Variants in PRDM12 observed in about 807,000 individuals in gnomAD.
PRDM12 encodes the protein PR/SET domain 12.
PRDM12 carries 17 observed loss-of-function variants against 29.6 expected under a neutral mutation model. The ratio of observed to expected loss-of-function variants is 0.57; its 90% CI spans 0.39 to 0.86. The LOEUF is 0.86. PRDM12 is among the 40% of genes least tolerant of loss of function. The pLI is 0.00. For synonymous variants in PRDM12, 231 were observed against 225.8 expected (o/e 1.02, Z -0.21); for missense variants, 422 against 510.8 (o/e 0.83, Z 1.68).
At chr9:130,669,613 A>C (rs1242062568) in intron 3 of PRDM12, among the ~76,000 whole-genome samples, 2 of 151,378 alleles carry the variant, frequency 1.3e-5, no homozygotes, top group Non-Finnish European at 2.9e-5. Context: ...CAGGAGATCG[A>C]GACCATCCTG....
Position 130,678,599 on chromosome 9 carries a change from G to C in PRDM12, c.641G>C (p.Gly214Ala). Reference sequence around the variant, plus strand: ...CACAACACCTTCCTGGGGATCCCAGGTGTGCCCGGGCTAGAGGAGGACCAG... The same window carrying C: ...CACAACACCTTCCTGGGGATCCCAGCTGTGCCCGGGCTAGAGGAGGACCAG... ...NSHNTFLGIP[G>A]VPGLEEDQKK... Residue 214 changes from glycine to alanine, a missense_variant, in exon 4 of 5, where the codon GGT becomes GCT. Gly to Ala is a moderately conservative substitution (Grantham distance 60). Transcript: ENST00000253008. 1 of 1,613,580 alleles carries C rather than the reference G, an allele frequency of 6.2e-7. No homozygotes were observed. The highest frequency in any genetic ancestry group is 2.2e-5 in the East Asian group (1 of 44,806).
chr9:130,678,939 C>T (rs1428569930), intron 4 of PRDM12, among the ~76,000 whole-genome samples: 2 of 152,164 alleles, frequency 1.3e-5, no homozygotes, highest in African/African-American at 4.8e-5. Flanking sequence ...AAGAAAGGAG[C>T]TGGGCAGCAG....
intron 3 of PRDM12, among the ~76,000 whole-genome samples, chr9:130,675,113 C>T (rs1830829199): frequency 6.6e-6 from 1 of 152,162 alleles, no homozygotes; most frequent in East Asian, 1.9e-4. Flanking sequence ...CTCCTGACCT[C>T]AAGTGATCTG....
intron 4 of PRDM12, among the ~76,000 whole-genome samples, chr9:130,679,721 C>T (rs1830876735): frequency 1.3e-5 from 2 of 152,072 alleles, no homozygotes; most frequent in East Asian, 3.9e-4. Context: ...AGTGCAGTGG[C>T]ACTATCTTGG....
intron 3 of PRDM12, among the ~76,000 whole-genome samples, chr9:130,674,923 G>A (rs1179445505): frequency 3.9e-5 from 6 of 152,016 alleles, no homozygotes; most frequent in Non-Finnish European, 8.8e-5. Flanking sequence ...TTTGTTGGTC[G>A]GACAGTAGGG....
chr9:130,678,208 G>T (rs1056502503), intron 3 of PRDM12, among the ~76,000 whole-genome samples: 3 of 151,964 alleles, frequency 2.0e-5, no homozygotes, highest in Admixed American at 6.6e-5. Flanking sequence ...GAATGGAAAA[G>T]GTTTCTAGTT....
At chr9:130,675,971 A>G (rs528419651) in intron 3 of PRDM12, among the ~76,000 whole-genome samples, 4 of 151,498 alleles carry the variant, frequency 2.6e-5, no homozygotes, top group South Asian at 4.2e-4. Flanking sequence ...TCCCTCCCTG[A>G]CCCCCTCATT....
At chr9:130,676,751 A>AT (rs1349010086) in intron 3 of PRDM12, among the ~76,000 whole-genome samples, 10 of 151,994 alleles carry the variant, frequency 6.6e-5, no homozygotes, top group Non-Finnish European at 1.2e-4. Context: ...GCTTCTCGTC[A>AT]TTTACTAACC....
rs1233793886 is a variant in PRDM12 at position 130,681,540 on chromosome 9, G to C, written c.975G>C (p.Pro325=). 12 of 1,285,868 alleles carry C rather than the reference G, an allele frequency of 9.3e-6. No individual in the cohort carries two copies. The South Asian group carries it at 2.1e-4, about 22-fold the overall frequency. The allele number at this position is 1,285,868 out of a possible 1,614,324, so 79.7% of individuals were successfully genotyped here. A position where few individuals can be genotyped will look rare whatever the true frequency, so the allele number is the denominator to read the frequency against. ...ACCAGAAGAGCGCGCGGCACCGGCC[G>C]CCCAGCACCGCGCTGCAGGCACACT... ...RAHQKSARHR[P]PSTALQAHSP... Residue 325 remains proline, a synonymous_variant, in exon 5 of 5, where the codon CCG becomes CCC. Transcript: ENST00000253008. The surrounding 1 kb of genome is among the most constrained non-coding windows in gnomAD (Gnocchi z 8.1).
chr9:130,678,902 C>A (rs1403533809), intron 4 of PRDM12, among the ~76,000 whole-genome samples: 2 of 152,076 alleles, frequency 1.3e-5, no homozygotes, highest in Non-Finnish European at 2.9e-5. Flanking sequence ...TGGGGGAGAC[C>A]AGAGAGGCAA....
At chr9:130,676,936 T>C (rs1457040542) in intron 3 of PRDM12, among the ~76,000 whole-genome samples, 2 of 151,684 alleles carry the variant, frequency 1.3e-5, no homozygotes, top group Non-Finnish European at 2.9e-5. Flanking sequence ...TGAGACAGGG[T>C]CTTGCTCTGT....
In PRDM12 at chr9:130,682,826, G is replaced by C. The variant is rs1013694711; in HGVS notation, c.*1157G>C. 2 of 152,616 alleles carry C rather than the reference G, an allele frequency of 1.3e-5. No individual in the cohort carries two copies. Among genetic ancestry groups the C allele is most frequent in the Non-Finnish European group, 2.9e-5 (2 of 68,046 alleles). The allele number at this position is 152,616 out of a possible 1,614,324, so 9.5% of individuals were successfully genotyped here. On this transcript the variant is annotated 3_prime_UTR_variant, in exon 5 of 5. Transcript: ENST00000253008. This position sits in a 1 kb window ranked among gnomAD's most constrained non-coding sequence, Gnocchi z 4.2. ...ATGTATAGAGTTTTCAAGAAACTGC[G>C]TTCTACTTCCAGAAGATGGTCACTT...
At chr9:130,674,076 G>A (rs867718727) in intron 3 of PRDM12, among the ~76,000 whole-genome samples, 6 of 125,606 alleles carry the variant, frequency 4.8e-5, no homozygotes, top group African/African-American at 6.2e-5. Flanking sequence ...GTGCAATGGC[G>A]CCATCTCAGC....
At position 130,677,223 on chromosome 9, in the gene PRDM12, C is replaced by T. The variant is rs561957300; in HGVS notation, c.571-1306C>T. On this transcript the variant is annotated intron_variant, in intron 3 of 4. Transcript: ENST00000253008. ...TACAGGCATGAGCCACCACGCCCGA[C>T]CTCCACTTTCCCTTCTTTTCAGGGG... Among the ~76,000 whole-genome samples, 8 of 152,340 alleles carry T rather than the reference C, an allele frequency of 5.3e-5. No homozygotes were observed. In the South Asian group the frequency reaches 6.2e-4, roughly 12 times the overall value.
At chr9:130,673,462 A>C (rs897164630) in intron 3 of PRDM12, among the ~76,000 whole-genome samples, 1 of 152,026 alleles carries the variant, frequency 6.6e-6, no homozygotes, top group African/African-American at 2.4e-5. Context: ...GCTGGCTTAC[A>C]GCTGTCTGGA....
chr9:130,681,012 C>T lies in PRDM12; in HGVS notation c.683-236C>T, dbSNP rs1233996360. Among the ~76,000 whole-genome samples, 2 of 151,524 alleles carry T rather than the reference C, an allele frequency of 1.3e-5. No homozygotes were observed. The highest frequency in any genetic ancestry group is 2.9e-5 in the Non-Finnish European group (2 of 68,004). ...TTTAGCTAGGCTGAGTCGCTAAGTC[C>T]CCGAGGTCTCGCATCGCGATCGGGA... On this transcript the variant is annotated intron_variant, in intron 4 of 4. Transcript: ENST00000253008. The surrounding 1 kb of genome is among the most constrained non-coding windows in gnomAD (Gnocchi z 8.1).
At chr9:130,677,081 G>A (rs921628809) in intron 3 of PRDM12, among the ~76,000 whole-genome samples, 6 of 152,270 alleles carry the variant, frequency 3.9e-5, no homozygotes, top group East Asian at 3.9e-4. Context: ...GCGCCACCGC[G>A]CCTGGCTAAT....
Position 130,664,888 on chromosome 9 carries a change from C to T in PRDM12, c.223+12C>T. ...GTCCTTCTCCGGCGGTGAGTCCAGC[C>T]GTCGGAGCCCGGCGCAATCCCTCCT... On this transcript the variant is annotated intron_variant, in intron 1 of 4. Coordinates refer to ENST00000253008, the MANE Select transcript of PRDM12 (RefSeq NM_021619.3). The surrounding 1 kb of genome is among the most constrained non-coding windows in gnomAD (Gnocchi z 6.4). The T allele has an allele frequency of 6.6e-7, 1 of 1,518,156 alleles. No individual in the cohort carries two copies. Among genetic ancestry groups the T allele is most frequent in the South Asian group, 1.2e-5 (1 of 82,388 alleles). 94.0% of individuals were successfully genotyped at this position (1,518,156 alleles called of 1,614,324 possible).
chr9:130,677,354 C>T (rs1282715885), intron 3 of PRDM12, among the ~76,000 whole-genome samples: 1 of 152,208 alleles, frequency 6.6e-6, no homozygotes, highest in Non-Finnish European at 1.5e-5. Flanking sequence ...CAGGCTGAAC[C>T]AAGCAGACAC....
Sources: allele counts gnomAD v4.1 joint callset (sites outside exome capture counted in the v4.1 genomes callset), GRCh38; gene constraint gnomAD v4.1.1; non-coding constraint Gnocchi (gnomAD v3.1); transcripts MANE v1.5; gene names NCBI Gene and HGNC (gene_info 2026-07-23, HGNC 2026-07-21).